Variants in RBM19 observed in about 807,000 individuals in gnomAD.
RBM19 encodes the protein probable RNA-binding protein 19.
RBM19 carries 94 observed loss-of-function variants against 116.8 expected under a neutral mutation model. The ratio of observed to expected loss-of-function variants is 0.80; its 90% CI spans 0.68 to 0.95. The LOEUF (loss-of-function observed/expected upper bound fraction) is 0.95, where lower values mean the gene tolerates loss of function less well. Among genes scored for constraint, RBM19 ranks in the 40% least tolerant of loss-of-function variants. The probability of loss-of-function intolerance (pLI) is 0.00; values close to 1 mark genes in which losing one functional copy is unlikely to be tolerated. For missense variants in RBM19, 1,161 were observed against 1,220.7 expected (o/e 0.95, Z 0.73); for synonymous variants, 475 against 494.1 (o/e 0.96, Z 0.51).
intron 15 of RBM19, among the ~76,000 whole-genome samples, chr12:113,939,600 A>G (rs527993156): frequency 1.2e-4 from 18 of 152,112 alleles, no homozygotes; most frequent in Middle Eastern, 6.8e-3. Context: ...ATATAAAAAA[A>G]TTAGCCAGGC....
chr12:113,870,625 G>A (rs997982350), intron 21 of RBM19, among the ~76,000 whole-genome samples: 3 of 152,146 alleles, frequency 2.0e-5, no homozygotes, highest in Non-Finnish European at 4.4e-5. Flanking sequence ...ACAAATACAG[G>A]GAGAATGTCC....
At chr12:113,877,828 G>A (rs1231155684) in intron 21 of RBM19, among the ~76,000 whole-genome samples, 1 of 152,190 alleles carries the variant, frequency 6.6e-6, no homozygotes, top group Non-Finnish European at 1.5e-5. Flanking sequence ...CAGAACGGAT[G>A]GGCGAGTGAG....
chr12:113,844,283 C>T (rs1876754752), intron 23 of RBM19, among the ~76,000 whole-genome samples: 2 of 152,190 alleles, frequency 1.3e-5, no homozygotes, highest in Admixed American at 6.5e-5. Flanking sequence ...CCCTGCCCTG[C>T]GGACACCGGA....
chr12:113,946,285 T>A, intron 12 of RBM19, 69 bp downstream of exon 12: 2 of 1,608,270 alleles, frequency 1.2e-6, no homozygotes, highest in South Asian at 2.2e-5. Context: ...CCAGGTGGCT[T>A]AGAAAGGGCA....
At chr12:113,937,204 C>T (rs1035991566) in intron 15 of RBM19, 68 bp from the exon 16 acceptor site, 2 of 1,571,098 alleles carry the variant, frequency 1.3e-6, no homozygotes, top group African/African-American at 2.7e-5. Flanking sequence ...GGACTCAGTC[C>T]CATGCAGATC....
At chr12:113,907,018 C>T (rs1045369792) in intron 21 of RBM19, among the ~76,000 whole-genome samples, 17 of 151,998 alleles carry the variant, frequency 1.1e-4, no homozygotes, top group Non-Finnish European at 1.2e-4. Flanking sequence ...CTTCCAGGAG[C>T]GGGAGGAAGC....
chr12:113,851,455 A>G (rs1457629083), intron 22 of RBM19, among the ~76,000 whole-genome samples: 4 of 152,200 alleles, frequency 2.6e-5, no homozygotes, highest in Admixed American at 6.5e-5. Context: ...CACTAGGGAG[A>G]GAGGGCCAAT....
chr12:113,900,397 A>T (rs548070510), intron 21 of RBM19, among the ~76,000 whole-genome samples: 4 of 152,294 alleles, frequency 2.6e-5, no homozygotes, highest in African/African-American at 9.6e-5. Flanking sequence ...AGACATCACT[A>T]ATCAATTTCG....
intron 21 of RBM19, among the ~76,000 whole-genome samples, chr12:113,868,932 C>T (rs1879029648): frequency 1.3e-5 from 2 of 152,192 alleles, no homozygotes; most frequent in Non-Finnish European, 2.9e-5. Flanking sequence ...GCACCTGCCA[C>T]CACCTTTCTG....
rs1197788532 is a variant in RBM19 at position 113,947,281 on chromosome 12, T to G, written c.1407+53A>C. ...ATACACACACACACACACCAGCCTT[T>G]CCCGACCATGTGAGCCCCACAGCCT... On this transcript the variant is annotated intron_variant, in intron 11 of 23. Transcript: ENST00000261741. 5.2e-6 allele frequency: 8 copies of G among 1,531,222 alleles called. No individual in the cohort carries two copies. The East Asian group carries it at 1.8e-4, about 35-fold the overall frequency. 94.9% of individuals were successfully genotyped at this position (1,531,222 alleles called of 1,614,324 possible).
chr12:113,948,882 C>G lies in RBM19; in HGVS notation c.1227G>C (p.Leu409=). ...AESGRLFVRN[L]PYTSTEEDLE... is the part of the protein sequence containing the mutation. Reference sequence around the variant, plus strand: ...GATCCTCCTCGGTGCTGGTGTAGGGCAGGTTCCGTACAAAGAGCCTTCCGG... The same window carrying G: ...GATCCTCCTCGGTGCTGGTGTAGGGGAGGTTCCGTACAAAGAGCCTTCCGG... Residue 409 remains leucine (L), a synonymous_variant, in exon 10 of 24, where the codon CTG becomes CTC. Transcript: ENST00000261741. 1 of 1,614,222 alleles carries G rather than the reference C, an allele frequency of 6.2e-7. No homozygotes were observed. Among genetic ancestry groups the G allele is most frequent in the Non-Finnish European group, 8.5e-7 (1 of 1,180,028 alleles).
At chr12:113,880,359 C>T (rs1008735412) in intron 21 of RBM19, among the ~76,000 whole-genome samples, 5 of 152,096 alleles carry the variant, frequency 3.3e-5, no homozygotes, top group African/African-American at 7.2e-5. Flanking sequence ...ACTGGTTCCT[C>T]GTGGGTTCCA....
chr12:113,905,641 A>T (rs913944573), intron 21 of RBM19, among the ~76,000 whole-genome samples: 5 of 152,226 alleles, frequency 3.3e-5, no homozygotes, highest in African/African-American at 1.2e-4. Flanking sequence ...TCATCAAAGG[A>T]TACCACCAAG....
At chr12:113,918,094 T>C (rs1882881492) in intron 20 of RBM19, among the ~76,000 whole-genome samples, 1 of 152,058 alleles carries the variant, frequency 6.6e-6, no homozygotes, top group South Asian at 2.1e-4. Context: ...ATGAGTGTTG[T>C]TTGCCTGTTT....
chr12:113,959,177 C>T lies in RBM19; in HGVS notation c.571+35G>A, dbSNP rs751356330. The T allele has an allele frequency of 3.3e-5, 53 of 1,583,132 alleles. No individual in the cohort carries two copies. The South Asian group carries it at 3.9e-4, about 12-fold the overall frequency. On this transcript the variant is annotated intron_variant, in intron 5 of 23. Transcript: ENST00000261741. ...GTTAGCCCAATGGCAAGCACAGGTCCGTGCGCATGGAGCACACAGTCCCCA... is the reference window on the plus strand; with the variant it reads ...GTTAGCCCAATGGCAAGCACAGGTCTGTGCGCATGGAGCACACAGTCCCCA...
At chr12:113,848,871 C>T (rs917575220) in intron 22 of RBM19, among the ~76,000 whole-genome samples, 5 of 152,190 alleles carry the variant, frequency 3.3e-5, no homozygotes, top group East Asian at 1.9e-4. Flanking sequence ...CTCCTGCTGT[C>T]TGATTTTCCT....
intron 7 of RBM19, among the ~76,000 whole-genome samples, chr12:113,953,503 A>T (rs1383739217): frequency 6.6e-6 from 1 of 152,218 alleles, no homozygotes; most frequent in Non-Finnish European, 1.5e-5. Flanking sequence ...CAACAATGAC[A>T]ACAAGATATA....
rs752017586 is a variant in RBM19, at chr12:113,947,484, C to T, written c.1277-20G>A. On this transcript the variant is annotated intron_variant, in intron 10 of 23. Coordinates refer to ENST00000261741, the MANE Select transcript of RBM19 (RefSeq NM_016196.4). ...GGGGACCTGAGGACAGGAGAAGTGT[C>T]GGTCTCTGGTAGGCCGCAGCCACTT... 24 of 1,581,088 alleles carry T rather than the reference C, an allele frequency of 1.5e-5. No homozygotes were observed. Among genetic ancestry groups the T allele is most frequent in the Non-Finnish European group, 2.0e-5 (23 of 1,154,704 alleles).
chr12:113,864,002 G>T (rs538182278), intron 21 of RBM19, among the ~76,000 whole-genome samples: 1 of 152,050 alleles, frequency 6.6e-6, no homozygotes, highest in Non-Finnish European at 1.5e-5. Context: ...GCCCATGTGA[G>T]CTGAGCAATG....
Sources: allele counts gnomAD v4.1 joint callset (sites outside exome capture counted in the v4.1 genomes callset), GRCh38; gene constraint gnomAD v4.1.1; transcripts MANE v1.5; gene names NCBI Gene and HGNC (gene_info 2026-07-23, HGNC 2026-07-21).